Variants in NXPH1 observed in about 807,000 individuals in gnomAD.
The protein encoded by NXPH1 is neurexophilin 1.
In NXPH1, 5 loss-of-function variants were observed where a neutral mutation model predicts 23.7. The observed-to-expected ratio is 0.21, with a 90% CI of 0.11 to 0.44. The LOEUF is 0.44. Ranked by LOEUF, NXPH1 falls within the 20% of genes least tolerant of loss-of-function variation. NXPH1 has a pLI of 0.99. For synonymous variants in NXPH1, 144 were observed against 122.2 expected, an observed-to-expected ratio of 1.18 and a Z score of -1.18; for missense variants, 324 against 321.6, an observed-to-expected ratio of 1.01 and a Z score of -0.06.
intron 2 of NXPH1, among the ~76,000 whole-genome samples, chr7:8,638,904 A>G (rs543388594): frequency 3.0e-4 from 46 of 152,174 alleles, no homozygotes; most frequent in South Asian, 6.2e-4. Flanking sequence ...TGAATTACCT[A>G]CTTCACTTAC....
At chr7:8,481,922 C>G (rs371564940) in intron 2 of NXPH1, among the ~76,000 whole-genome samples, 11 of 152,290 alleles carry the variant, frequency 7.2e-5, no homozygotes, top group African/African-American at 2.2e-4. Flanking sequence ...TCAGTGCTGG[C>G]AGAACAGGCT....
intron 2 of NXPH1, among the ~76,000 whole-genome samples, chr7:8,501,359 A>C (rs1817429794): frequency 6.6e-6 from 1 of 152,048 alleles, no homozygotes; most frequent in African/African-American, 2.4e-5. Context: ...ATATGACTAC[A>C]AATCATAGCC....
At chr7:8,734,306 G>A (rs938422143) in intron 2 of NXPH1, among the ~76,000 whole-genome samples, 8 of 152,262 alleles carry the variant, frequency 5.3e-5, no homozygotes, top group Admixed American at 2.0e-4. Context: ...GTCAGGTAGC[G>A]TGATGCCTCC....
chr7:8,708,946 C>T (rs560134384), intron 2 of NXPH1, among the ~76,000 whole-genome samples: 1 of 152,216 alleles, frequency 6.6e-6, no homozygotes, highest in South Asian at 2.1e-4. Flanking sequence ...GCATTTTAAC[C>T]AGAGGCTGAG....
intron 2 of NXPH1, among the ~76,000 whole-genome samples, chr7:8,585,995 G>T (rs554525313): frequency 1.8e-4 from 28 of 152,296 alleles, no homozygotes; most frequent in Admixed American, 7.8e-4. Context: ...AGAAAGCTCA[G>T]TGTGGAACAG....
intron 2 of NXPH1, among the ~76,000 whole-genome samples, chr7:8,535,863 C>A (rs922502570): frequency 2.0e-5 from 3 of 151,956 alleles, no homozygotes; most frequent in Non-Finnish European, 4.4e-5. Context: ...GTGGCAGAAC[C>A]ATGCCATGTT....
chr7:8,708,247 A>G (rs1379849372), intron 2 of NXPH1, among the ~76,000 whole-genome samples: 2 of 152,158 alleles, frequency 1.3e-5, no homozygotes, highest in Non-Finnish European at 2.9e-5. Context: ...ATGAAGGAAG[A>G]TATGTTTTTC....
intron 2 of NXPH1, among the ~76,000 whole-genome samples, chr7:8,534,053 A>C (rs948859521): frequency 1.3e-5 from 2 of 152,150 alleles, no homozygotes; most frequent in African/African-American, 4.8e-5. Flanking sequence ...AAAACTTATT[A>C]GTTTAATGAA....
intron 2 of NXPH1, among the ~76,000 whole-genome samples, chr7:8,654,660 C>T (rs1820544847): frequency 6.6e-6 from 1 of 152,118 alleles, no homozygotes; most frequent in African/African-American, 2.4e-5. Context: ...GCCTTATCTC[C>T]TCCAGTCTTT....
chr7:8,681,298 A>G (rs767239672), intron 2 of NXPH1, among the ~76,000 whole-genome samples: 2 of 152,228 alleles, frequency 1.3e-5, no homozygotes, highest in African/African-American at 4.8e-5. Context: ...ATGATGCAAA[A>G]ATACCAAATA....
intron 2 of NXPH1, among the ~76,000 whole-genome samples, chr7:8,493,036 C>T (rs776978420): frequency 1.3e-5 from 2 of 152,002 alleles, no homozygotes; most frequent in Admixed American, 6.6e-5. Flanking sequence ...GATTCATCCA[C>T]GGTCCCTCAG....
intron 2 of NXPH1, among the ~76,000 whole-genome samples, chr7:8,497,559 T>A (rs1817358186): frequency 6.6e-6 from 1 of 152,158 alleles, no homozygotes; most frequent in Admixed American, 6.5e-5. Context: ...CCATTCTAAC[T>A]GGTGTGAGAT....
intron 2 of NXPH1, among the ~76,000 whole-genome samples, chr7:8,626,507 C>T (rs960052810): frequency 6.6e-6 from 1 of 151,858 alleles, no homozygotes; most frequent in Non-Finnish European, 1.5e-5. Context: ...GACTCCTTTC[C>T]AAGCACTTGA....
intron 2 of NXPH1, among the ~76,000 whole-genome samples, chr7:8,675,433 C>A (rs923743638): frequency 2.6e-5 from 4 of 152,090 alleles, no homozygotes; most frequent in African/African-American, 9.7e-5. Context: ...TACTTCATAT[C>A]TTTTCCTGAT....
At chr7:8,572,577 T>C (rs1818669479) in intron 2 of NXPH1, among the ~76,000 whole-genome samples, 1 of 152,042 alleles carries the variant, frequency 6.6e-6, no homozygotes, top group Non-Finnish European at 1.5e-5. Context: ...GCTGTGAAGG[T>C]AAAGCCTGAT....
chr7:8,598,250 G>A (rs1043720115), intron 2 of NXPH1, among the ~76,000 whole-genome samples: 2 of 152,220 alleles, frequency 1.3e-5, no homozygotes, highest in Middle Eastern at 3.4e-3. Flanking sequence ...GGATTTGGGA[G>A]GAGTGGTATT....
intron 2 of NXPH1, among the ~76,000 whole-genome samples, chr7:8,590,918 A>T (rs764230501): frequency 7.9e-5 from 12 of 152,072 alleles, no homozygotes; most frequent in Non-Finnish European, 2.9e-5. Flanking sequence ...CTTTTTAAAA[A>T]AATTACATCG....
intron 2 of NXPH1, among the ~76,000 whole-genome samples, chr7:8,591,295 C>A (rs1819089008): frequency 6.6e-6 from 1 of 151,978 alleles, no homozygotes; most frequent in African/African-American, 2.4e-5. Flanking sequence ...AGAGAAAGAG[C>A]AATTTACTCA....
chr7:8,450,988 C>G (rs766822835), intron 2 of NXPH1, among the ~76,000 whole-genome samples: 6 of 152,058 alleles, frequency 3.9e-5, no homozygotes, highest in Non-Finnish European at 7.4e-5. Context: ...TGTGTGCTTT[C>G]AACTTTGAAC....
Sources: gnomAD v4.1 joint callset for allele counts (sites outside exome capture counted in the v4.1 genomes callset) on GRCh38, gnomAD v4.1.1 for gene constraint, MANE v1.5 for transcripts, NCBI Gene and HGNC (gene_info 2026-07-23, HGNC 2026-07-21) for gene names.